The following PHACTR4 variants were observed in gnomAD, a reference collection of about 807,000 sequenced individuals.
PHACTR4 encodes phosphatase and actin regulator 4.
In PHACTR4, 51 loss-of-function variants were observed where a neutral mutation model predicts 72.7. The observed-to-expected ratio is 0.70, with a 90% confidence interval of 0.56 to 0.89. The LOEUF (loss-of-function observed/expected upper bound fraction) is 0.89. Ranked by LOEUF, PHACTR4 falls within the 40% of genes least tolerant of loss-of-function variation. The pLI is 0.00. For missense variants in PHACTR4, 731 were observed against 861.8 expected (o/e 0.85, Z 1.90); for synonymous variants, 255 against 302.5 (o/e 0.84, Z 1.63).
At chr1:28,409,975 T>C (rs1654660168) in intron 2 of PHACTR4, among the ~76,000 whole-genome samples, 1 of 128,456 alleles carries the variant, frequency 7.8e-6, no homozygotes, top group Non-Finnish European at 1.6e-5. Context: ...TTTTTTTTTT[T>C]TTTTTTTTTT....
chr1:28,423,922 T>C (rs1476524180), intron 2 of PHACTR4, among the ~76,000 whole-genome samples: 9 of 152,242 alleles, frequency 5.9e-5, no homozygotes. Flanking sequence ...TTCTAAGTTT[T>C]AGCTTTCTTC....
At chr1:28,379,271 C>CTTT (rs59368965) in intron 1 of PHACTR4, among the ~76,000 whole-genome samples, 2 of 143,402 alleles carry the variant, frequency 1.4e-5, no homozygotes, top group Non-Finnish European at 1.5e-5. Flanking sequence ...TTCTTTCTTT[C>CTTT]TTTTTTTTTT....
At chr1:28,393,881 T>C (rs998979745) in intron 1 of PHACTR4, among the ~76,000 whole-genome samples, 2 of 151,966 alleles carry the variant, frequency 1.3e-5, no homozygotes, top group African/African-American at 2.4e-5. Context: ...ACTTTTTTTT[T>C]TTCTTCTTCC....
chr1:28,392,892 T>G (rs1383875177), intron 1 of PHACTR4, among the ~76,000 whole-genome samples: 1 of 152,212 alleles, frequency 6.6e-6, no homozygotes, highest in Non-Finnish European at 1.5e-5. Context: ...AAAATTGTGC[T>G]AGTTTTGCTG....
At chr1:28,403,791 A>G (rs192441121) in intron 1 of PHACTR4, among the ~76,000 whole-genome samples, 27 of 152,084 alleles carry the variant, frequency 1.8e-4, no homozygotes, top group African/African-American at 6.0e-4. Flanking sequence ...GTCTCTATAG[A>G]CTTACCTATT....
In PHACTR4 at chr1:28,478,241, T is replaced by TC. The variant is rs1340867096; in HGVS notation, c.1606+1951dup. On this transcript the variant is annotated intron_variant, in intron 8 of 13. Transcript: ENST00000373839. ...GCACATAACAGGATTTCTTTCTTTTTCATGGCAGAATAATCTTCAATTGTG... is the reference window on the plus strand; with the variant it reads ...GCACATAACAGGATTTCTTTCTTTTTCCATGGCAGAATAATCTTCAATTGTG... 2.6e-5 allele frequency among the ~76,000 whole-genome samples: 4 copies of TC among 152,346 alleles called. No individual in the cohort carries two copies. In the East Asian group the frequency reaches 7.7e-4, roughly 29 times the overall value.
intron 1 of PHACTR4, among the ~76,000 whole-genome samples, chr1:28,394,141 G>T (rs76130516): frequency 0.084 from 12,767 of 151,910 alleles, 1,128 homozygotes; most frequent in African/African-American, 0.23. Flanking sequence ...GACCTTTCAA[G>T]AAGTCAAGAT....
chr1:28,487,735 T>TG (rs1348574067), intron 9 of PHACTR4, among the ~76,000 whole-genome samples: 2 of 130,972 alleles, frequency 1.5e-5, no homozygotes, highest in African/African-American at 5.9e-5. Flanking sequence ...TTGTTTTTTT[T>TG]TTTTTTTTTT....
intron 2 of PHACTR4, among the ~76,000 whole-genome samples, chr1:28,446,325 G>A (rs1657464907): frequency 6.6e-6 from 1 of 152,160 alleles, no homozygotes; most frequent in Admixed American, 6.5e-5. Context: ...AATAAGGTTT[G>A]GATCTAGGTC....
intron 2 of PHACTR4, among the ~76,000 whole-genome samples, chr1:28,444,967 A>T (rs1007628402): frequency 7.5e-5 from 11 of 146,180 alleles, no homozygotes; most frequent in African/African-American, 2.5e-4. Context: ...TATTTATTTT[A>T]TTTTTTTGAG....
At chr1:28,455,788 A>C (rs192252701) in intron 2 of PHACTR4, among the ~76,000 whole-genome samples, 73 of 152,260 alleles carry the variant, frequency 4.8e-4, no homozygotes, top group African/African-American at 1.6e-3. Context: ...TAGGAAAAAG[A>C]GGGGAAGGAA....
chr1:28,394,628 C>T (rs1181777452), intron 1 of PHACTR4, among the ~76,000 whole-genome samples: 1 of 146,350 alleles, frequency 6.8e-6, no homozygotes, highest in Non-Finnish European at 1.5e-5. Context: ...TGGAGTTTTG[C>T]TCTTGTTGCC....
At chr1:28,428,646 A>G (rs996233826) in intron 2 of PHACTR4, among the ~76,000 whole-genome samples, 3 of 152,236 alleles carry the variant, frequency 2.0e-5, no homozygotes, top group Admixed American at 2.0e-4. Flanking sequence ...AGAAGAAGAA[A>G]TAATGTAGCT....
At chr1:28,370,084 C>G (rs1651110358) in intron 1 of PHACTR4, among the ~76,000 whole-genome samples, 1 of 152,106 alleles carries the variant, frequency 6.6e-6, no homozygotes, top group African/African-American at 2.4e-5. Flanking sequence ...CCCCCCGAGA[C>G]TTGGCTGGGC....
chr1:28,381,920 A>T (rs1416586613), intron 1 of PHACTR4, among the ~76,000 whole-genome samples: 1 of 152,034 alleles, frequency 6.6e-6, no homozygotes, highest in Non-Finnish European at 1.5e-5. Flanking sequence ...TGACTACACC[A>T]CCACGCCAGG....
At chr1:28,441,757 G>A (rs1293116760) in intron 2 of PHACTR4, among the ~76,000 whole-genome samples, 1 of 152,212 alleles carries the variant, frequency 6.6e-6, no homozygotes, top group African/African-American at 2.4e-5. Context: ...CACTTTGGGA[G>A]GCTGACGCAG....
intron 13 of PHACTR4, among the ~76,000 whole-genome samples, chr1:28,496,297 CCGCCCGCCT>C (rs1413785935): frequency 2.0e-5 from 3 of 151,832 alleles, no homozygotes; most frequent in Non-Finnish European, 4.4e-5. Flanking sequence ...ACCTCTTGAT[CCGCCCGCCT>C]CGGCCTCCCA....
At chr1:28,378,784 A>C (rs1651908665) in intron 1 of PHACTR4, among the ~76,000 whole-genome samples, 1 of 152,042 alleles carries the variant, frequency 6.6e-6, no homozygotes, top group Non-Finnish European at 1.5e-5. Context: ...TAGAATGAAA[A>C]GCTCATGAAA....
At chr1:28,439,728 A>T (rs1656867130) in intron 2 of PHACTR4, among the ~76,000 whole-genome samples, 1 of 152,240 alleles carries the variant, frequency 6.6e-6, no homozygotes, top group African/African-American at 2.4e-5. Flanking sequence ...TCTCTTCTGC[A>T]TTCCCTTCTG....
Sources: gnomAD v4.1 joint callset for allele counts (sites outside exome capture counted in the v4.1 genomes callset) on GRCh38, gnomAD v4.1.1 for gene constraint, MANE v1.5 for transcripts, NCBI Gene and HGNC (gene_info 2026-07-23, HGNC 2026-07-21) for gene names.